ZNF138: variants seen among roughly 807,000 people sequenced by gnomAD.
ZNF138 encodes the protein zinc finger protein 138.
Under a neutral mutation model 33.0 loss-of-function variants are expected in ZNF138, and 33 were observed. The observed-to-expected ratio is 1.00, with a 90% confidence interval of 0.76 to 1.34. The LOEUF (loss-of-function observed/expected upper bound fraction) is 1.34. Among genes scored for constraint, ZNF138 ranks in the 40% most tolerant of loss-of-function variants. The pLI is 0.00. For missense variants in ZNF138, 360 were observed against 370.8 expected (o/e 0.97, Z 0.24); for synonymous variants, 139 against 120.4 (o/e 1.15, Z -1.01).
At chr7:64,859,316 A>T in the ZNF138 span, among the ~76,000 whole-genome samples, 3 of 152,322 alleles carry the variant, frequency 2.0e-5, no homozygotes, top group East Asian at 5.8e-4. Flanking sequence ...ACTCATCTAC[A>T]TGGGATGAGT....
chr7:64,854,015 A>C, the ZNF138 span, among the ~76,000 whole-genome samples: 1 of 125,744 alleles, frequency 8.0e-6, no homozygotes, highest in Non-Finnish European at 1.7e-5. Flanking sequence ...AAACAAAACA[A>C]AACAAAAACC....
intron 3 of ZNF138, among the ~76,000 whole-genome samples, chr7:64,825,326 A>C (rs1349520202): frequency 2.0e-5 from 3 of 148,256 alleles, no homozygotes; most frequent in Non-Finnish European, 3.0e-5. Context: ...GCGCCCGCCA[A>C]CAGGGCCGGC....
At chr7:64,831,106 A>G in intron 3 of ZNF138, 1 of 1,549,114 alleles carries the variant, frequency 6.5e-7, no homozygotes, top group Non-Finnish European at 8.7e-7. Flanking sequence ...TTGCCTTTTG[A>G]AAAAGAAACC....
At chr7:64,845,780 C>A in the ZNF138 span, among the ~76,000 whole-genome samples, 60 of 152,096 alleles carry the variant, frequency 3.9e-4, no homozygotes, top group Middle Eastern at 3.4e-3. Context: ...ATTGTTTTTT[C>A]CATGCTAATT....
chr7:64,810,241 C>T (rs1224974425), intron 1 of ZNF138, among the ~76,000 whole-genome samples: 3 of 150,586 alleles, frequency 2.0e-5, no homozygotes, highest in Admixed American at 1.3e-4. Context: ...GGATCACTTG[C>T]GGTTAGGGGC....
intron 1 of ZNF138, among the ~76,000 whole-genome samples, chr7:64,795,509 A>C (rs1285680415): frequency 1.3e-5 from 2 of 152,182 alleles, no homozygotes; most frequent in African/African-American, 4.8e-5. Context: ...AATTCACATT[A>C]TCAACTATTT....
In ZNF138 at chr7:64,831,580, G is replaced by C. The variant is rs769085408; in HGVS notation, c.338G>C (p.Ser113Thr). 1 of 1,613,534 alleles carries C rather than the reference G, an allele frequency of 6.2e-7. No homozygotes were observed. The change falls in exon 4 of 4, where the codon AGT (serine) becomes ACT (threonine). Residue 113 changes from serine (S) to threonine (T), a missense_variant. By Grantham distance (58) the Ser-to-Thr change is moderately conservative (BLOSUM62 1). Transcript: ENST00000307355. ...TTACAGTTAAGAAAAGGCTGTAAAA[G>C]TGTGGATGAGTGTAAGGGACACCAA... ...KNLQLRKGCK[S>T]VDECKGHQGG...
chr7:64,815,560 G>A lies in ZNF138; in HGVS notation c.131-16G>A, dbSNP rs1208900017. 6 of 1,602,650 alleles carry A rather than the reference G, an allele frequency of 3.7e-6. No individual in the cohort carries two copies. The highest frequency in any genetic ancestry group is 1.7e-5 in the Admixed American group (1 of 57,192). ...ACTTATTTTTAATAAAACAAGTATT[G>A]CTATCTCTAAGCCAGACCTGATTAC... On this transcript the variant is annotated splice_polypyrimidine_tract_variant and intron_variant, in intron 2 of 3. Coordinates refer to ENST00000307355, the MANE Select transcript of ZNF138 (RefSeq NM_001271639.2).
rs546078633 is a variant in ZNF138 at position 64,826,863 on chromosome 7, T to C, written c.209-4588T>C. 5.3e-5 allele frequency among the ~76,000 whole-genome samples: 8 copies of C among 151,512 alleles called. No homozygotes were observed. In the South Asian group the frequency reaches 1.5e-3, roughly 28 times the overall value. ...CAAGGTTTTGCCATGTTGGCCAGGC[T>C]AGTCTCAAACTTCTGGCCTCAAGCA... On this transcript the variant is annotated intron_variant, in intron 3 of 3. Coordinates refer to ENST00000307355, the MANE Select transcript of ZNF138 (RefSeq NM_001271639.2).
At chr7:64,794,753 C>T (rs1376762875) in intron 1 of ZNF138, among the ~76,000 whole-genome samples, 182 bp downstream of exon 1, 2 of 152,146 alleles carry the variant, frequency 1.3e-5, no homozygotes, top group Non-Finnish European at 2.9e-5. Context: ...GGCTGACAGC[C>T]GGAACCAGGC....
the ZNF138 span, among the ~76,000 whole-genome samples, chr7:64,842,124 C>T: frequency 3.9e-5 from 6 of 152,258 alleles, no homozygotes; most frequent in Admixed American, 6.5e-5. Context: ...AGTGCAGTGG[C>T]GTGATCTTGG....
At chr7:64,851,320 T>G in the ZNF138 span, among the ~76,000 whole-genome samples, 5,479 of 152,310 alleles carry the variant, frequency 0.036, 135 homozygotes, top group Middle Eastern at 0.085. Context: ...ATTCTTTTTT[T>G]TATACAACAG....
Position 64,832,470 on chromosome 7 carries a change from A to C in ZNF138, c.*268A>C, listed in dbSNP as rs1204648717. ...CCGATACTCAATCCTTAGTACACATAAGAAAATTCATACTGGGGAGAAACC... is the reference window on the plus strand; with the variant it reads ...CCGATACTCAATCCTTAGTACACATCAGAAAATTCATACTGGGGAGAAACC... On this transcript the variant is annotated 3_prime_UTR_variant, in exon 4 of 4. Transcript: ENST00000307355. 1 of 1,305,916 alleles carries C rather than the reference A, an allele frequency of 7.7e-7. No homozygotes were observed. The highest frequency in any genetic ancestry group is 1.0e-6 in the Non-Finnish European group (1 of 986,952). 80.9% of individuals were successfully genotyped at this position (1,305,916 alleles called of 1,614,324 possible).
chr7:64,813,005 C>T (rs2418461), intron 1 of ZNF138, among the ~76,000 whole-genome samples: 139,689 of 149,268 alleles, frequency 0.94, 65,382 homozygotes, highest in South Asian at 0.97. Flanking sequence ...TTTAAAAATT[C>T]TTATGATAGT....
chr7:64,839,701 G>A, the ZNF138 span, among the ~76,000 whole-genome samples: 6 of 152,282 alleles, frequency 3.9e-5, no homozygotes, highest in South Asian at 4.1e-4. Flanking sequence ...ACCGATGGCC[G>A]TGGAGGAGAA....
intron 1 of ZNF138, among the ~76,000 whole-genome samples, chr7:64,807,445 G>A (rs1426479437): frequency 2.0e-5 from 3 of 152,292 alleles, no homozygotes; most frequent in Non-Finnish European, 4.4e-5. Flanking sequence ...CAAATGAACT[G>A]TCTACTTATA....
intron 1 of ZNF138, among the ~76,000 whole-genome samples, chr7:64,802,153 G>A (rs114612032): frequency 0.014 from 2,182 of 152,234 alleles, 53 homozygotes; most frequent in African/African-American, 0.05. Flanking sequence ...TCAAAGTGGC[G>A]GCTTCCGGGC....
At chr7:64,819,624 T>C (rs4717215) in intron 3 of ZNF138, among the ~76,000 whole-genome samples, 150,075 of 152,270 alleles carry the variant, frequency 0.99, 73,993 homozygotes, top group East Asian at 1. Flanking sequence ...CCGCCTCATC[T>C]TCCCAAAGTG....
Position 64,814,922 on chromosome 7 carries a change from C to A in ZNF138, c.8C>A (p.Pro3Gln), listed in dbSNP as rs756417960. 3.2e-5 allele frequency: 51 copies of A among 1,612,490 alleles called. No individual in the cohort carries two copies. Among genetic ancestry groups the A allele is most frequent in the Non-Finnish European group, 4.2e-5 (50 of 1,179,194 alleles). The change falls in exon 2 of 4, where the codon CCA (proline) becomes CAA (glutamine). Residue 3 changes from proline (P) to glutamine (Q), a missense_variant. Transcript: ENST00000307355. Reference protein sequence around the residue: MGPLTFMDVAIEF... With the variant: MGQLTFMDVAIEF... ...TTGTGTGTGCGTGTTTTTCAGGGAC[C>A]ACTGACATTTATGGATGTGGCCATA...
Sources: gnomAD v4.1 joint callset for allele counts (sites outside exome capture counted in the v4.1 genomes callset) on GRCh38, gnomAD v4.1.1 for gene constraint, MANE v1.5 for transcripts, NCBI Gene and HGNC (gene_info 2026-07-23, HGNC 2026-07-21) for gene names.